ZNF695: variants seen among roughly 807,000 people sequenced by gnomAD.
ZNF695 encodes zinc finger protein SBZF3.
Under a neutral mutation model 11.2 loss-of-function variants are expected in ZNF695, and 11 were observed. The ratio of observed to expected loss-of-function variants is 0.98; its 90% CI spans 0.62 to 1.62. The LOEUF is 1.62. Ranked by LOEUF, ZNF695 falls within the 40% of genes most tolerant of loss-of-function variation. ZNF695 has a pLI of 0.00. For synonymous variants in ZNF695, 190 were observed against 201.4 expected (o/e 0.94, Z 0.48); for missense variants, 559 against 590.5 (o/e 0.95, Z 0.55).
chr1:246,945,722 C>G lies in ZNF695; in HGVS notation c.*75G>C. ...AGAACTCGGGCTGACGCAGCTGGACCCGGTGTAAATTCGCCTCACGGAGCA... is the reference window on the plus strand; with the variant it reads ...AGAACTCGGGCTGACGCAGCTGGACGCGGTGTAAATTCGCCTCACGGAGCA... On this transcript the variant is annotated 3_prime_UTR_variant, in exon 6 of 6. Transcript: ENST00000487338. 7 of 1,497,202 alleles carry G rather than the reference C, an allele frequency of 4.7e-6. No individual in the cohort carries two copies. In the East Asian group the frequency reaches 7.4e-5, roughly 16 times the overall value. 92.7% of individuals were successfully genotyped at this position (1,497,202 alleles called of 1,614,324 possible). A position where few individuals can be genotyped will look rare whatever the true frequency, so the allele number is the denominator to read the frequency against.
chr1:246,954,348 C>G (rs994218707), intron 5 of ZNF695, among the ~76,000 whole-genome samples: 2 of 152,218 alleles, frequency 1.3e-5, no homozygotes, highest in Non-Finnish European at 2.9e-5. Flanking sequence ...TGCCTGCCAG[C>G]TGTTCCAGGG....
intron 5 of ZNF695, among the ~76,000 whole-genome samples, chr1:246,965,606 G>A (rs879575279): frequency 2.0e-5 from 3 of 151,900 alleles, no homozygotes; most frequent in Non-Finnish European, 4.4e-5. Flanking sequence ...GTGTGGTCGT[G>A]TGTGCCTGTA....
rs75648136 is a variant in ZNF695, at chr1:247,000,608, G to A, written c.4-534C>T. On this transcript the variant is annotated intron_variant, in intron 1 of 3. Transcript: ENST00000339986. ...CTTAAGATCCATGAAACCAGTGTAG[G>A]TAGTCTACTTTTGTGCATAATATAG... is the stretch of plus-strand genomic sequence containing the variant. Among the ~76,000 whole-genome samples, 672 of 152,234 alleles carry A rather than the reference G, an allele frequency of 4.4e-3. 4 individuals carry two copies. Among genetic ancestry groups the A allele is most frequent in the African/African-American group, 0.015 (629 of 41,532 alleles).
intron 3 of ZNF695, among the ~76,000 whole-genome samples, chr1:246,992,704 A>T (rs1669077612): frequency 6.6e-6 from 1 of 152,166 alleles, no homozygotes; most frequent in South Asian, 2.1e-4. Context: ...TAAATTTTTT[A>T]AAAATCCTTT....
At chr1:247,002,022 A>G (rs1669401851) in intron 1 of ZNF695, among the ~76,000 whole-genome samples, 1 of 152,136 alleles carries the variant, frequency 6.6e-6, no homozygotes, top group South Asian at 2.1e-4. Flanking sequence ...TCCATTCAAC[A>G]ACACAATGCC....
intron 2 of ZNF695, 62 bp from the exon 3 acceptor site, chr1:246,999,502 G>C: frequency 7.6e-7 from 1 of 1,311,086 alleles, no homozygotes; most frequent in Middle Eastern, 1.8e-4. Flanking sequence ...CTTTTACTAT[G>C]CTCAGTAGAG....
intron 3 of ZNF695, among the ~76,000 whole-genome samples, chr1:246,998,686 G>C (rs1302204565): frequency 6.6e-6 from 1 of 152,172 alleles, no homozygotes; most frequent in East Asian, 1.9e-4. Flanking sequence ...AAATATTTTA[G>C]GCCGGGCGCG....
At chr1:246,951,815 C>T (rs1463535085) in intron 5 of ZNF695, among the ~76,000 whole-genome samples, 1 of 152,146 alleles carries the variant, frequency 6.6e-6, no homozygotes, top group Non-Finnish European at 1.5e-5. Context: ...ATAGAATGAG[C>T]CCCATAGGCT....
At chr1:246,988,301 T>C (rs1431467194) in intron 3 of ZNF695, 46 bp from the exon 4 acceptor site, 21 of 1,413,298 alleles carry the variant, frequency 1.5e-5, no homozygotes, top group Non-Finnish European at 1.9e-5. Flanking sequence ...CTAGATAGCA[T>C]CCTTTACAAA....
chr1:246,950,543 C>T (rs1174528804), intron 5 of ZNF695, among the ~76,000 whole-genome samples: 4 of 149,510 alleles, frequency 2.7e-5, no homozygotes, highest in Non-Finnish European at 4.4e-5. Context: ...CCCAGCTACT[C>T]GGGAGGCTGA....
intron 5 of ZNF695, chr1:246,966,968 C>T (rs992028749): frequency 7.2e-6 from 3 of 415,700 alleles, no homozygotes; most frequent in Admixed American, 2.7e-5. Context: ...GACAGAGTTT[C>T]ACTCTTGTCG....
At chr1:246,995,846 G>A (rs1351080166) in intron 3 of ZNF695, among the ~76,000 whole-genome samples, 3 of 149,012 alleles carry the variant, frequency 2.0e-5, no homozygotes, top group South Asian at 2.1e-4. Flanking sequence ...AAGAAGCTGC[G>A]GTAATTAAAA....
At position 246,975,091 on chromosome 1, in the gene ZNF695, T is replaced by C. The variant is rs116002668; in HGVS notation, c.391-7299A>G. On this transcript the variant is annotated intron_variant, in intron 4 of 5. Coordinates refer to the ZNF695 transcript ENST00000487338. ...ATTTATTATTTGAAAATATCTTAAT[T>C]AGTTGTTTTTGCATTTACGATTAGT... Among the ~76,000 whole-genome samples the C allele has an allele frequency of 4.6e-3, 694 of 152,322 alleles. 4 individuals are homozygous for C. The highest frequency in any genetic ancestry group is 0.015 in the African/African-American group (631 of 41,578).
chr1:246,962,434 C>T (rs879734232), intron 5 of ZNF695, among the ~76,000 whole-genome samples: 14 of 152,226 alleles, frequency 9.2e-5, no homozygotes, highest in African/African-American at 1.7e-4. Flanking sequence ...ACCTCACAGA[C>T]GATTTGTTTA....
chr1:246,983,246 T>G (rs951994590), downstream of ZNF695, among the ~76,000 whole-genome samples: 1 of 148,874 alleles, frequency 6.7e-6, no homozygotes, highest in African/African-American at 2.5e-5. Context: ...CTGGGCCACA[T>G]GGTGGCACAT....
chr1:246,972,872 G>GA lies in ZNF695; in HGVS notation c.391-5081dup, dbSNP rs1272086878. Among the ~76,000 whole-genome samples, 25 of 150,204 alleles carry GA rather than the reference G, an allele frequency of 1.7e-4. 1 individual carries two copies. The highest frequency in any genetic ancestry group is 1.5e-4 in the African/African-American group (6 of 41,030). On this transcript the variant is annotated intron_variant, in intron 4 of 5. Coordinates refer to the ZNF695 transcript ENST00000487338. ...ACACCGATTTCTGCAGGTGCTTTCA[G>GA]AAAAAAAATTTGTCATGAGTCAAGT...
At position 247,008,002 on chromosome 1, in the gene ZNF695, T is replaced by C. The variant is rs1669592090; in HGVS notation, c.-94A>G. On this transcript the variant is annotated 5_prime_UTR_variant, in exon 1 of 4. Transcript: ENST00000339986. ...GGAGCCTGCGGCAGTCACCCGGGAC[T>C]CTCCGAGAGGCAGCAGACGGGAACC... The C allele has an allele frequency of 2.2e-6, 3 of 1,341,744 alleles. No individual in the cohort carries two copies. The highest frequency in any genetic ancestry group is 2.9e-6 in the Non-Finnish European group (3 of 1,024,194). The allele number at this position is 1,341,744 out of a possible 1,614,324, so 83.1% of individuals were successfully genotyped here. A position where few individuals can be genotyped will look rare whatever the true frequency, so the allele number is the denominator to read the frequency against.
intron 4 of ZNF695, among the ~76,000 whole-genome samples, chr1:246,972,111 G>A (rs913445320): frequency 1.5e-4 from 23 of 152,218 alleles, no homozygotes; most frequent in African/African-American, 5.5e-4. Context: ...GCAGAGAAGC[G>A]CAACCATGCA....
chr1:246,968,870 G>A (rs1668353772), intron 4 of ZNF695: 1 of 152,482 alleles, frequency 6.6e-6, no homozygotes, highest in African/African-American at 2.4e-5. Context: ...TAAAGCACAG[G>A]GAACAGGGTC....
Sources: allele counts gnomAD v4.1 joint callset (sites outside exome capture counted in the v4.1 genomes callset), GRCh38; gene constraint gnomAD v4.1.1; transcripts MANE v1.5; gene names NCBI Gene and HGNC (gene_info 2026-07-23, HGNC 2026-07-21).